COL13A1: variants seen among roughly 807,000 people sequenced by gnomAD.
COL13A1 encodes the protein collagen type XIII alpha 1 chain, also known as collagen alpha-1(XIII) chain.
Under a neutral mutation model 130.9 loss-of-function variants are expected in COL13A1, and 89 were observed. The ratio of observed to expected loss-of-function variants is 0.68; its 90% CI spans 0.57 to 0.81. The LOEUF is 0.81. Among genes scored for constraint, COL13A1 ranks in the 30% least tolerant of loss-of-function variants. The pLI, the probability that COL13A1 is intolerant of heterozygous loss-of-function variation, is 0.00. For missense variants in COL13A1, 879 were observed against 934.6 expected, an observed-to-expected ratio of 0.94 and a Z score of 0.78; for synonymous variants, 402 against 341.6, an observed-to-expected ratio of 1.18 and a Z score of -1.95.
intron 3 of COL13A1, among the ~76,000 whole-genome samples, chr10:69,869,408 C>T (rs561601669): frequency 1.3e-5 from 2 of 152,304 alleles, no homozygotes; most frequent in Non-Finnish European, 2.9e-5. Flanking sequence ...ACCTCCTCAG[C>T]CCTGTTATCT....
intron 2 of COL13A1, chr10:69,829,368 C>A: frequency 1.5e-6 from 1 of 652,828 alleles, no homozygotes; most frequent in Non-Finnish European, 1.9e-6. Flanking sequence ...AGCCCTAAAT[C>A]CCTAACACAG....
At chr10:69,923,760 G>A (rs1330172575) in intron 23 of COL13A1, 42 bp from the exon 24 acceptor site, 5 of 1,593,202 alleles carry the variant, frequency 3.1e-6, no homozygotes, top group Non-Finnish European at 3.4e-6. Flanking sequence ...AGCTGTCCAG[G>A]TGCCCAGCAT....
At chr10:69,910,066 C>G (rs537573635) in intron 17 of COL13A1, among the ~76,000 whole-genome samples, 1 of 152,318 alleles carries the variant, frequency 6.6e-6, no homozygotes. Flanking sequence ...GCTAACTGCA[C>G]AGACCAACCC....
intron 23 of COL13A1, 51 bp downstream of exon 23, chr10:69,922,845 G>A: frequency 1.5e-6 from 2 of 1,304,430 alleles, no homozygotes; most frequent in Non-Finnish European, 1.1e-6. Context: ...TGGGGACTTT[G>A]TCTTCAGCCT....
intron 2 of COL13A1, among the ~76,000 whole-genome samples, chr10:69,831,282 C>G: frequency 6.6e-6 from 1 of 152,176 alleles, no homozygotes; most frequent in Non-Finnish European, 1.5e-5. Context: ...CTGCCAGGAC[C>G]CAGACCCAGG....
At chr10:69,927,180 A>G (rs2065482695) in intron 27 of COL13A1, 70 bp downstream of exon 27, 3 of 1,604,704 alleles carry the variant, frequency 1.9e-6, no homozygotes, top group Non-Finnish European at 2.6e-6. Flanking sequence ...CCTGGAAGCA[A>G]GGATTTGATT....
At chr10:69,928,854 C>T in intron 27 of COL13A1, 83 bp from the exon 28 acceptor site, 2 of 988,632 alleles carry the variant, frequency 2.0e-6, no homozygotes, top group Admixed American at 4.1e-5. Context: ...CTGTACAAGC[C>T]AGCCTCCACA....
intron 2 of COL13A1, among the ~76,000 whole-genome samples, chr10:69,866,199 A>AC (rs2058497202): frequency 6.6e-6 from 1 of 152,118 alleles, no homozygotes; most frequent in South Asian, 2.1e-4. Context: ...ATCTGGTGAC[A>AC]CCTATGCAGC....
At chr10:69,917,227 C>T in intron 17 of COL13A1, 62 bp from the exon 18 acceptor site, 2 of 1,601,338 alleles carry the variant, frequency 1.2e-6, no homozygotes, top group South Asian at 2.2e-5. Context: ...CACCGACATC[C>T]TTGCAGGCTG....
At chr10:69,928,851 AG>A (rs2065726372) in intron 27 of COL13A1, 85 bp from the exon 28 acceptor site, 1 of 970,876 alleles carries the variant, frequency 1.0e-6, no homozygotes, top group African/African-American at 1.6e-5. Flanking sequence ...TATCTGTACA[AG>A]CCAGCCTCCA....
intron 26 of COL13A1, among the ~76,000 whole-genome samples, chr10:69,926,773 T>C (rs916142052): frequency 1.3e-5 from 2 of 152,216 alleles, no homozygotes; most frequent in Non-Finnish European, 1.5e-5. Flanking sequence ...AGGTGGTGCT[T>C]CCTTCCCTTC....
chr10:69,857,666 C>T (rs1856814818), intron 2 of COL13A1, among the ~76,000 whole-genome samples: 1 of 146,662 alleles, frequency 6.8e-6, no homozygotes, highest in Non-Finnish European at 1.5e-5. Flanking sequence ...GTCCCTGGTG[C>T]CAAAAAGGTT....
chr10:69,917,277 T>G lies in COL13A1; in HGVS notation c.922-12T>G, dbSNP rs953249620. On this transcript the variant is annotated splice_polypyrimidine_tract_variant and intron_variant, in intron 17 of 40. Transcript: ENST00000645393. ...TGGTCCTCTCCTCATGCTTTCTCAT[T>G]TCTTCCTCCAGGGAGAACGGGGCAT... 1.9e-6 allele frequency: 3 copies of G among 1,613,484 alleles called. No homozygotes were observed. The highest frequency in any genetic ancestry group is 2.5e-6 in the Non-Finnish European group (3 of 1,179,702).
chr10:69,840,499 G>A (rs35824626), intron 2 of COL13A1, among the ~76,000 whole-genome samples: 6,595 of 152,250 alleles, frequency 0.043, 182 homozygotes, highest in Non-Finnish European at 0.056. Context: ...TCTGGAGTCA[G>A]ATGTCCTGAG....
At chr10:69,879,238 A>G (rs4746010) in intron 6 of COL13A1, among the ~76,000 whole-genome samples, 11,963 of 152,264 alleles carry the variant, frequency 0.079, 544 homozygotes, top group South Asian at 0.13. Flanking sequence ...TTCTGTCCTC[A>G]TATTGGAACT....
chr10:69,925,939 A>G (rs755619748), intron 26 of COL13A1, 67 bp downstream of exon 26: 4 of 1,368,410 alleles, frequency 2.9e-6, no homozygotes, highest in Non-Finnish European at 4.1e-6. Flanking sequence ...TGCCCTGATC[A>G]GGGGGCCCTT....
At position 69,824,092 on chromosome 10, in the gene COL13A1, C is replaced by T. The variant is rs1178979864; in HGVS notation, c.364+1654C>T. 8.5e-6 allele frequency: 4 copies of T among 472,194 alleles called. No homozygotes were observed. The East Asian group carries it at 2.1e-4, about 25-fold the overall frequency. 29.3% of individuals were successfully genotyped at this position (472,194 alleles called of 1,614,324 possible). A position where few individuals can be genotyped will look rare whatever the true frequency, so the allele number is the denominator to read the frequency against. Reference sequence around the variant, plus strand: ...TTTGAATTCCATCTCCAACATGGACCAGTCTTATGACCTTCAGAGAGTTAT... The same window carrying T: ...TTTGAATTCCATCTCCAACATGGACTAGTCTTATGACCTTCAGAGAGTTAT... On this transcript the variant is annotated intron_variant, in intron 2 of 40. Transcript: ENST00000645393.
At chr10:69,907,564 C>A (rs111406170) in intron 17 of COL13A1, among the ~76,000 whole-genome samples, 1 of 151,900 alleles carries the variant, frequency 6.6e-6, no homozygotes, top group Non-Finnish European at 1.5e-5. Context: ...AATAACTAAC[C>A]CACTTCCATG....
intron 30 of COL13A1, chr10:69,931,169 G>T: frequency 2.2e-6 from 1 of 456,228 alleles, no homozygotes; most frequent in East Asian, 6.9e-5. Flanking sequence ...GGGTCTAGAT[G>T]GCCCAACTGG....
Sources: gnomAD v4.1 joint callset for allele counts (sites outside exome capture counted in the v4.1 genomes callset) on GRCh38, gnomAD v4.1.1 for gene constraint, MANE v1.5 for transcripts, NCBI Gene and HGNC (gene_info 2026-07-23, HGNC 2026-07-21) for gene names.